The following NRXN1 variants were observed in gnomAD, a reference collection of about 807,000 sequenced individuals.
NRXN1 encodes neurexin-1.
NRXN1 carries 39 observed loss-of-function variants against 150.9 expected under a neutral mutation model. The ratio of observed to expected loss-of-function variants is 0.26; its 90% CI spans 0.20 to 0.34. The LOEUF (loss-of-function observed/expected upper bound fraction) is 0.34, where lower values mean the gene tolerates loss of function less well. Ranked by LOEUF, NRXN1 falls within the 10% of genes least tolerant of loss-of-function variation. The pLI is 1.00. For synonymous variants in NRXN1, 924 were observed against 757.0 expected, an observed-to-expected ratio of 1.22 and a Z score of -3.62; for missense variants, 1,815 against 1,949.9, an observed-to-expected ratio of 0.93 and a Z score of 1.30.
intron 12 of NRXN1, among the ~76,000 whole-genome samples, chr2:50,525,561 A>C (rs1259823536): frequency 1.3e-5 from 2 of 152,196 alleles, no homozygotes; most frequent in Admixed American, 1.3e-4. Context: ...CCCAAATTGT[A>C]GATAAACATA....
At chr2:50,160,397 T>C (rs1282514503) in intron 18 of NRXN1, among the ~76,000 whole-genome samples, 1 of 151,866 alleles carries the variant, frequency 6.6e-6, no homozygotes, top group Non-Finnish European at 1.5e-5. Context: ...AAAAATTAGC[T>C]GGGCATGGTG....
chr2:50,686,284 C>T (rs372455224), intron 5 of NRXN1, among the ~76,000 whole-genome samples: 6 of 152,054 alleles, frequency 3.9e-5, no homozygotes, highest in African/African-American at 7.2e-5. Flanking sequence ...CACATTTACA[C>T]GTTAGGTTTC....
intron 11 of NRXN1, among the ~76,000 whole-genome samples, chr2:50,530,803 A>G (rs1364131532): frequency 6.6e-6 from 1 of 152,242 alleles, no homozygotes; most frequent in Non-Finnish European, 1.5e-5. Flanking sequence ...CTTGATCTAG[A>G]TAACAAAGCA....
chr2:50,872,725 C>A (rs908454298), intron 5 of NRXN1, among the ~76,000 whole-genome samples: 1 of 151,520 alleles, frequency 6.6e-6, no homozygotes, highest in African/African-American at 2.4e-5. Context: ...GGCAAAGGTG[C>A]GAGGACCACT....
chr2:51,027,038 A>T (rs1461014870), intron 2 of NRXN1, among the ~76,000 whole-genome samples: 1 of 152,188 alleles, frequency 6.6e-6, no homozygotes, highest in African/African-American at 2.4e-5. Flanking sequence ...CGGCCGTGGT[A>T]TACCTCTCCT....
intron 18 of NRXN1, among the ~76,000 whole-genome samples, chr2:50,200,586 G>T (rs2152832855): frequency 6.6e-6 from 1 of 152,240 alleles, no homozygotes; most frequent in African/African-American, 2.4e-5. Flanking sequence ...GCTCTCATTG[G>T]TGTAACCCTT....
chr2:50,752,561 C>A (rs774936990), intron 5 of NRXN1, among the ~76,000 whole-genome samples: 147 of 151,986 alleles, frequency 9.7e-4, no homozygotes, highest in Non-Finnish European at 1.7e-3. Context: ...GAATTCCCAT[C>A]CTTACCCATG....
intron 9 of NRXN1, among the ~76,000 whole-genome samples, chr2:50,545,596 G>A (rs1197088866): frequency 6.6e-6 from 1 of 152,154 alleles, no homozygotes; most frequent in Non-Finnish European, 1.5e-5. Context: ...TATAAAACAA[G>A]AATGCCAAGT....
intron 5 of NRXN1, among the ~76,000 whole-genome samples, chr2:50,783,403 T>C (rs774985190): frequency 1.2e-4 from 18 of 152,252 alleles, no homozygotes; most frequent in Middle Eastern, 3.4e-3. Context: ...GGAACATATT[T>C]GGCTTTTCTT....
chr2:50,203,867 A>T (rs1291768662), intron 18 of NRXN1, among the ~76,000 whole-genome samples: 1 of 152,126 alleles, frequency 6.6e-6, no homozygotes, highest in Admixed American at 6.6e-5. Context: ...GGCTTTCTTA[A>T]TCTTAAGCAG....
At chr2:50,321,060 A>C (rs577170092) in intron 17 of NRXN1, among the ~76,000 whole-genome samples, 2 of 152,182 alleles carry the variant, frequency 1.3e-5, no homozygotes, top group South Asian at 2.1e-4. Flanking sequence ...GGAAGCAAAG[A>C]GAAAATCATC....
At chr2:50,583,177 A>G (rs570318594) in intron 8 of NRXN1, among the ~76,000 whole-genome samples, 2 of 152,030 alleles carry the variant, frequency 1.3e-5, no homozygotes, top group Non-Finnish European at 1.5e-5. Flanking sequence ...CAGCCTCCCA[A>G]GTAGCTGGGA....
chr2:50,893,072 T>C (rs1345812511), intron 5 of NRXN1, among the ~76,000 whole-genome samples: 1 of 152,082 alleles, frequency 6.6e-6, no homozygotes, highest in Non-Finnish European at 1.5e-5. Flanking sequence ...TGAGAGCCTA[T>C]CAGATCTGTA....
At chr2:50,776,530 C>T (rs1366103036) in intron 5 of NRXN1, among the ~76,000 whole-genome samples, 1 of 151,418 alleles carries the variant, frequency 6.6e-6, no homozygotes, top group African/African-American at 2.4e-5. Context: ...TGCATATCAA[C>T]AATTGAACAA....
chr2:50,184,925 G>C (rs911265868), intron 18 of NRXN1, among the ~76,000 whole-genome samples: 1 of 152,094 alleles, frequency 6.6e-6, no homozygotes, highest in African/African-American at 2.4e-5. Context: ...GGTAGGATTT[G>C]AATTAAGGAA....
intron 8 of NRXN1, among the ~76,000 whole-genome samples, chr2:50,579,037 T>A (rs993447778): frequency 6.6e-6 from 1 of 152,198 alleles, no homozygotes; most frequent in Admixed American, 6.5e-5. Context: ...CATTTCCTAT[T>A]TTGACATGCT....
At chr2:50,390,478 T>A (rs377293112) in intron 17 of NRXN1, among the ~76,000 whole-genome samples, 2 of 152,286 alleles carry the variant, frequency 1.3e-5, no homozygotes, top group Admixed American at 6.5e-5. Context: ...ACTTAATTTT[T>A]AAAATATCAA....
chr2:50,603,403 G>C (rs1049200903), intron 8 of NRXN1, among the ~76,000 whole-genome samples: 4 of 152,152 alleles, frequency 2.6e-5, no homozygotes, highest in African/African-American at 9.7e-5. Context: ...GCTGCTTCTT[G>C]ATAATCTGAT....
At chr2:50,914,050 T>C (rs1409754932) in intron 5 of NRXN1, among the ~76,000 whole-genome samples, 1 of 151,740 alleles carries the variant, frequency 6.6e-6, no homozygotes, top group Non-Finnish European at 1.5e-5. Context: ...GGACATACAT[T>C]TTAAGCAAAA....
Sources: allele counts gnomAD v4.1 joint callset (sites outside exome capture counted in the v4.1 genomes callset), GRCh38; gene constraint gnomAD v4.1.1; transcripts MANE v1.5; gene names NCBI Gene and HGNC (gene_info 2026-07-23, HGNC 2026-07-21).